Variants in TMEM117 observed in about 807,000 individuals in gnomAD.
TMEM117 encodes transmembrane protein 117.
A neutral mutation model predicts 52.4 loss-of-function variants in TMEM117; 27 were observed. That is an observed-to-expected ratio of 0.51 (90% CI 0.38 to 0.71). The LOEUF is 0.71. TMEM117 is among the 30% of genes least tolerant of loss of function. TMEM117 has a pLI of 0.00. For missense variants in TMEM117, 556 were observed against 630.5 expected (o/e 0.88, Z 1.26); for synonymous variants, 215 against 206.3 (o/e 1.04, Z -0.36).
intron 2 of TMEM117, among the ~76,000 whole-genome samples, chr12:43,917,020 A>G (rs1189171571): frequency 6.7e-6 from 1 of 148,994 alleles, no homozygotes; most frequent in Non-Finnish European, 1.5e-5. Context: ...CCATTTATTT[A>G]CGGCCTCCCT....
intron 2 of TMEM117, among the ~76,000 whole-genome samples, chr12:43,937,508 A>T (rs1362404174): frequency 6.6e-6 from 1 of 152,298 alleles, no homozygotes; most frequent in Admixed American, 6.5e-5. Context: ...AATATAGGGT[A>T]TACAGAAATG....
At chr12:43,797,832 A>T in the TMEM117 span, 1 of 1,611,464 alleles carries the variant, frequency 6.2e-7, no homozygotes, top group Non-Finnish European at 8.5e-7. Flanking sequence ...GTCAGTCTGT[A>T]CCTAAGTATG....
chr12:44,380,318 C>CTGGATGGGA (rs1952002900), intron 7 of TMEM117, among the ~76,000 whole-genome samples: 1 of 152,114 alleles, frequency 6.6e-6, no homozygotes, highest in South Asian at 2.1e-4. Context: ...ACAGAGGAAG[C>CTGGATGGGA]TGGAGCCAGG....
chr12:43,978,393 T>C (rs1180794204), intron 3 of TMEM117, among the ~76,000 whole-genome samples: 1 of 152,178 alleles, frequency 6.6e-6, no homozygotes, highest in Admixed American at 6.6e-5. Flanking sequence ...ATTAATAATA[T>C]TGATAGGCTG....
intron 2 of TMEM117, among the ~76,000 whole-genome samples, chr12:43,907,154 C>T (rs373405221): frequency 0.058 from 8,853 of 152,228 alleles, 309 homozygotes; most frequent in Middle Eastern, 0.13. Context: ...GATCTGAGAA[C>T]GGGCAGACTG....
chr12:43,827,169 G>A, the TMEM117 span, among the ~76,000 whole-genome samples: 1 of 151,824 alleles, frequency 6.6e-6, no homozygotes, highest in Non-Finnish European at 1.5e-5. Flanking sequence ...AAGGAAATCT[G>A]CCCTGACCAC....
intron 5 of TMEM117, among the ~76,000 whole-genome samples, chr12:44,229,748 A>T (rs1449747061): frequency 6.6e-6 from 1 of 152,116 alleles, no homozygotes. Context: ...TGGGAGCCAT[A>T]ATTAATCTGT....
chr12:44,070,066 T>G lies in TMEM117; in HGVS notation c.411-73459T>G, dbSNP rs375580703. The stretch of plus-strand genomic sequence containing the variant: ...CACCATGCTTGGCTAATTATTTGTA[T>G]TTTTTGTAGAGATAGGGTCTTGCCA... On this transcript the variant is annotated intron_variant, in intron 3 of 7. Transcript: ENST00000266534. 2.0e-5 allele frequency among the ~76,000 whole-genome samples: 3 copies of G among 152,182 alleles called. 1 individual carries two copies. Among genetic ancestry groups the G allele is most frequent in the Admixed American group, 2.0e-4 (3 of 15,270 alleles).
chr12:43,805,145 C>T, the TMEM117 span, among the ~76,000 whole-genome samples: 1 of 152,092 alleles, frequency 6.6e-6, no homozygotes, highest in East Asian at 1.9e-4. Context: ...AATAACTAAC[C>T]CTTGTGTTCC....
intron 3 of TMEM117, among the ~76,000 whole-genome samples, chr12:44,067,780 A>G (rs1002257651): frequency 1.3e-5 from 2 of 152,180 alleles, no homozygotes; most frequent in African/African-American, 4.8e-5. Flanking sequence ...ATTGGTTTCA[A>G]CCCAAAGTCA....
intron 2 of TMEM117, among the ~76,000 whole-genome samples, chr12:43,871,799 T>C (rs898723199): frequency 6.6e-6 from 1 of 152,222 alleles, no homozygotes; most frequent in African/African-American, 2.4e-5. Context: ...TTGAGGAACC[T>C]TTTTCCCTTT....
At chr12:44,284,419 C>T (rs548099362) in intron 5 of TMEM117, among the ~76,000 whole-genome samples, 2 of 152,314 alleles carry the variant, frequency 1.3e-5, no homozygotes, top group East Asian at 1.9e-4. Context: ...TTCCCAGTCT[C>T]GGGTATGTCT....
At chr12:44,002,881 T>C (rs770404352) in intron 3 of TMEM117, among the ~76,000 whole-genome samples, 11 of 152,242 alleles carry the variant, frequency 7.2e-5, no homozygotes, top group Non-Finnish European at 1.3e-4. Context: ...CAGGACTTTG[T>C]AGGTGGCTCC....
rs373640069 is a variant in TMEM117, at chr12:44,079,303, G to A, written c.411-64222G>A. On this transcript the variant is annotated intron_variant, in intron 3 of 7. Coordinates refer to ENST00000266534, the MANE Select transcript of TMEM117 (RefSeq NM_032256.3). The stretch of plus-strand genomic sequence containing the variant: ...GAATTGCCACACTGTCTTCCACAAT[G>A]GTTGAACTAATTTACACTCCCACCA... Among the ~76,000 whole-genome samples, 14 of 152,230 alleles carry A rather than the reference G, an allele frequency of 9.2e-5. No homozygotes were observed. The East Asian group carries it at 9.7e-4, about 11-fold the overall frequency.
At chr12:44,060,941 G>T (rs917137990) in intron 3 of TMEM117, among the ~76,000 whole-genome samples, 3 of 152,158 alleles carry the variant, frequency 2.0e-5, no homozygotes, top group African/African-American at 7.2e-5. Flanking sequence ...TGTTTGGTGG[G>T]GGAGAGTTAC....
At chr12:44,187,456 T>C (rs1949293649) in intron 4 of TMEM117, among the ~76,000 whole-genome samples, 1 of 152,176 alleles carries the variant, frequency 6.6e-6, no homozygotes, top group African/African-American at 2.4e-5. Context: ...TAATCACTTA[T>C]CAAATGTTTG....
At chr12:43,855,617 G>A (rs1333989542) in intron 2 of TMEM117, among the ~76,000 whole-genome samples, 2 of 152,188 alleles carry the variant, frequency 1.3e-5, no homozygotes, top group African/African-American at 2.4e-5. Flanking sequence ...GAAACAGGAA[G>A]TTTGGGGACA....
At chr12:44,346,973 CT>C (rs944370374) in intron 6 of TMEM117, among the ~76,000 whole-genome samples, 16 of 152,022 alleles carry the variant, frequency 1.1e-4, no homozygotes, top group Non-Finnish European at 2.1e-4. Flanking sequence ...GTTTTAACCA[CT>C]TTTTTTCCTG....
chr12:43,944,999 T>C (rs1441466940), intron 3 of TMEM117, among the ~76,000 whole-genome samples: 1 of 151,914 alleles, frequency 6.6e-6, no homozygotes, highest in African/African-American at 2.4e-5. Context: ...TGGTCCCAGC[T>C]ACTTGGGAGG....
Sources: gnomAD v4.1 joint callset for allele counts (sites outside exome capture counted in the v4.1 genomes callset) on GRCh38, gnomAD v4.1.1 for gene constraint, MANE v1.5 for transcripts, NCBI Gene and HGNC (gene_info 2026-07-23, HGNC 2026-07-21) for gene names.